The following TOX variants were observed in gnomAD, a reference collection of about 807,000 sequenced individuals.
TOX encodes thymocyte selection-associated high mobility group box protein TOX.
TOX carries 11 observed loss-of-function variants against 53.7 expected under a neutral mutation model. The observed-to-expected ratio is 0.20, with a 90% CI of 0.13 to 0.34. The LOEUF (loss-of-function observed/expected upper bound fraction) is 0.34. Ranked by LOEUF, TOX falls within the 10% of genes least tolerant of loss-of-function variation. TOX has a pLI of 1.00. For missense variants in TOX, 570 were observed against 664.6 expected, an observed-to-expected ratio of 0.86 and a Z score of 1.56; for synonymous variants, 225 against 245.3, an observed-to-expected ratio of 0.92 and a Z score of 0.77.
At chr8:59,086,954 T>C (rs1804522834) in intron 1 of TOX, among the ~76,000 whole-genome samples, 2 of 152,104 alleles carry the variant, frequency 1.3e-5, no homozygotes, top group Non-Finnish European at 2.9e-5. Flanking sequence ...TAGTAAAAGG[T>C]TCAGTGCCCT....
intron 3 of TOX, among the ~76,000 whole-genome samples, chr8:58,854,275 C>T (rs1478696458): frequency 1.3e-5 from 2 of 152,174 alleles, no homozygotes; most frequent in African/African-American, 2.4e-5. Flanking sequence ...GTATTGAGCC[C>T]ATTTCTTCTC....
chr8:59,081,769 A>T (rs1804412531), intron 1 of TOX, among the ~76,000 whole-genome samples: 1 of 152,200 alleles, frequency 6.6e-6, no homozygotes, highest in Admixed American at 6.5e-5. Flanking sequence ...GGTGGATAAA[A>T]TTGAGGCAAA....
chr8:59,042,156 G>A (rs981960121), intron 1 of TOX, among the ~76,000 whole-genome samples: 3 of 152,104 alleles, frequency 2.0e-5, no homozygotes, highest in Admixed American at 6.5e-5. Context: ...AAAGGGTTAC[G>A]AGCCAAAAAA....
chr8:59,097,626 A>G (rs1804734637), intron 1 of TOX, among the ~76,000 whole-genome samples: 1 of 152,124 alleles, frequency 6.6e-6, no homozygotes, highest in South Asian at 2.1e-4. Context: ...TAGTGGAAAA[A>G]TCCATCTGTA....
intron 2 of TOX, among the ~76,000 whole-genome samples, chr8:58,954,501 A>C (rs779847515): frequency 6.6e-6 from 1 of 152,188 alleles, no homozygotes; most frequent in Non-Finnish European, 1.5e-5. Context: ...AGAGCTCACA[A>C]TCAGGTGAGC....
At chr8:59,067,291 C>G (rs941558234) in intron 1 of TOX, among the ~76,000 whole-genome samples, 1 of 152,176 alleles carries the variant, frequency 6.6e-6, no homozygotes, top group African/African-American at 2.4e-5. Context: ...AGGGGGCTCA[C>G]CCCCATAATC....
At chr8:59,044,297 G>A (rs1803648366) in intron 1 of TOX, among the ~76,000 whole-genome samples, 1 of 150,384 alleles carries the variant, frequency 6.6e-6, no homozygotes, top group East Asian at 2.0e-4. Context: ...TGCCAAAACT[G>A]TGAATAATTA....
chr8:58,942,102 G>T (rs944376551), intron 2 of TOX, among the ~76,000 whole-genome samples: 2 of 151,258 alleles, frequency 1.3e-5, no homozygotes, highest in African/African-American at 2.4e-5. Context: ...CCTGAATAAG[G>T]CACAACTAAT....
chr8:58,831,372 T>C (rs1253882327), intron 5 of TOX, among the ~76,000 whole-genome samples: 1 of 152,136 alleles, frequency 6.6e-6, no homozygotes, highest in South Asian at 2.1e-4. Flanking sequence ...AAAATTAAAA[T>C]CAAAAAGTCA....
At chr8:58,992,038 TA>T (rs1563411388) in intron 1 of TOX, 1 of 152,220 alleles carries the variant, frequency 6.6e-6, no homozygotes, top group Non-Finnish European at 1.5e-5. Flanking sequence ...TGCGCAAAGA[TA>T]AAATGAAAAG....
intron 1 of TOX, among the ~76,000 whole-genome samples, chr8:59,081,274 G>A (rs1040057675): frequency 2.0e-5 from 3 of 152,214 alleles, no homozygotes; most frequent in Non-Finnish European, 4.4e-5. Context: ...TGATCTGCCT[G>A]CCTCAGCCTC....
intron 3 of TOX, among the ~76,000 whole-genome samples, chr8:58,929,096 C>G (rs1243604527): frequency 6.6e-6 from 1 of 152,028 alleles, no homozygotes; most frequent in Non-Finnish European, 1.5e-5. Flanking sequence ...GAAGTTTAAT[C>G]CTCTCTCTGT....
intron 3 of TOX, among the ~76,000 whole-genome samples, chr8:58,878,929 C>G (rs770366473): frequency 6.6e-6 from 1 of 151,684 alleles, no homozygotes; most frequent in East Asian, 1.9e-4. Context: ...GGTGTGGTGG[C>G]GCAAACCTGT....
In TOX at chr8:58,862,416, A is replaced by C. The variant is rs957760423; in HGVS notation, c.412-10611T>G. ...ATCACTCACTCATTTATGGTTTTATAAACTTTGAGTCACATAAGGTCAAGG... is the reference window on the plus strand; with the variant it reads ...ATCACTCACTCATTTATGGTTTTATCAACTTTGAGTCACATAAGGTCAAGG... On this transcript the variant is annotated intron_variant, in intron 3 of 8. Transcript: ENST00000361421. Among the ~76,000 whole-genome samples the C allele has an allele frequency of 4.6e-5, 7 of 152,266 alleles. No individual in the cohort carries two copies. The East Asian group carries it at 1.3e-3, about 29-fold the overall frequency.
In TOX at chr8:58,838,129, A is replaced by G. The variant is rs1468246070; in HGVS notation, c.876T>C (p.Ser292=). 2 of 1,614,172 alleles carry G rather than the reference A, an allele frequency of 1.2e-6. No homozygotes were observed. The highest frequency in any genetic ancestry group is 1.7e-6 in the Non-Finnish European group (2 of 1,179,994). The part of the protein sequence containing the change: ...QNPNATFGEV[S]KIVASMWDGL... The stretch of plus-strand genomic sequence containing the variant: ...CGTCCCACATTGAAGCCACAATTTT[A>G]GAGACTTCGCCAAAGGTAGCGTTTG... The change falls in exon 5 of 9, where the codon TCT becomes TCC. Residue 292 remains serine, a synonymous_variant. Coordinates refer to ENST00000361421, the MANE Select transcript of TOX (RefSeq NM_014729.3).
rs1810811124 is a variant in TOX at position 58,851,179 on chromosome 8, TCTCTCTCA to T, written c.693+337_693+344del. Among the ~76,000 whole-genome samples the T allele has an allele frequency of 6.9e-6, 1 of 143,956 alleles. No individual in the cohort carries two copies. The highest frequency in any genetic ancestry group is 2.7e-5 in the African/African-American group (1 of 36,408). The allele number at this position is 143,956 out of a possible 152,430, so 94.4% of individuals were successfully genotyped here. On this transcript the variant is annotated intron_variant, in intron 4 of 8. Transcript: ENST00000361421. The surrounding 1 kb of genome is among the most constrained non-coding windows in gnomAD (Gnocchi z 4.4). ...CTCTGTCTCTCTCTCTCTCTCTCTCTCTCTCTCACACACACACACACACACACACACAC... is the reference window on the plus strand; with the variant it reads ...CTCTGTCTCTCTCTCTCTCTCTCTCTCACACACACACACACACACACACAC...
At chr8:59,022,463 A>T (rs183704042) in intron 1 of TOX, among the ~76,000 whole-genome samples, 152 of 152,286 alleles carry the variant, frequency 1.0e-3, no homozygotes, top group African/African-American at 3.6e-3. Context: ...GAGGTCATGT[A>T]CCTTCCCTAA....
chr8:58,893,008 C>T (rs2129172062), intron 3 of TOX, among the ~76,000 whole-genome samples: 1 of 152,282 alleles, frequency 6.6e-6, no homozygotes. Context: ...TGGTCCAACA[C>T]CATATGTTTC....
At chr8:58,881,851 T>C (rs1433012288) in intron 3 of TOX, among the ~76,000 whole-genome samples, 2 of 152,154 alleles carry the variant, frequency 1.3e-5, no homozygotes, top group African/African-American at 4.8e-5. Flanking sequence ...TGAAATGTGA[T>C]TACACATCAT....
Sources: gnomAD v4.1 joint callset for allele counts (sites outside exome capture counted in the v4.1 genomes callset) on GRCh38, gnomAD v4.1.1 for gene constraint, Gnocchi (gnomAD v3.1) non-coding constraint, MANE v1.5 for transcripts, NCBI Gene and HGNC (gene_info 2026-07-23, HGNC 2026-07-21) for gene names.